Variants in ADPRHL1 observed in about 807,000 individuals in gnomAD.
The protein encoded by ADPRHL1 is inactive ADP-ribosyltransferase ARH2.
In ADPRHL1, 43 loss-of-function variants were observed where a neutral mutation model predicts 44.1. The ratio of observed to expected loss-of-function variants is 0.98; its 90% CI spans 0.76 to 1.26. ADPRHL1 has a LOEUF of 1.26. ADPRHL1 is among the 50% of genes most tolerant of loss of function. The pLI is 0.00. For synonymous variants in ADPRHL1, 878 were observed against 1,017.4 expected, an observed-to-expected ratio of 0.86 and a Z score of 2.61; for missense variants, 2,022 against 2,496.9, an observed-to-expected ratio of 0.81 and a Z score of 4.05.
chr13:113,425,299 T>C, intron 4 of ADPRHL1, 120 bp from the exon 5 acceptor site: 1 of 995,454 alleles, frequency 1.0e-6, no homozygotes, highest in Non-Finnish European at 1.5e-6. Context: ...CAATGCCCCC[T>C]CTACCCAGCT....
rs1290849759 is a variant in ADPRHL1 at position 113,402,714 on chromosome 13, C to T, written c.*664G>A. The T allele has an allele frequency of 6.6e-6, 1 of 152,480 alleles. No individual in the cohort carries two copies. Among genetic ancestry groups the T allele is most frequent in the Non-Finnish European group, 1.5e-5 (1 of 68,228 alleles). 9.4% of individuals were successfully genotyped at this position (152,480 alleles called of 1,614,324 possible). A position where few individuals can be genotyped will look rare whatever the true frequency, so the allele number is the denominator to read the frequency against. Reference sequence around the variant, plus strand: ...AACTTAACGTGGGCATTTCCTGAGGCCTCTTCCTCCGGATGAGCTGGTTTC... The same window carrying T: ...AACTTAACGTGGGCATTTCCTGAGGTCTCTTCCTCCGGATGAGCTGGTTTC... On this transcript the variant is annotated 3_prime_UTR_variant, in exon 8 of 8. Transcript: ENST00000612156.
chr13:113,450,882 C>G (rs887807382), intron 1 of ADPRHL1, among the ~76,000 whole-genome samples: 20 of 152,126 alleles, frequency 1.3e-4, no homozygotes, highest in African/African-American at 4.8e-4. Context: ...GCGGGCGAGC[C>G]TGACTCATGT....
chr13:113,418,568 C>T (rs1409642196), intron 7 of ADPRHL1, among the ~76,000 whole-genome samples: 3 of 152,206 alleles, frequency 2.0e-5, no homozygotes, highest in East Asian at 3.8e-4. Flanking sequence ...GAAGTCTAAA[C>T]ATGTGTGTGT....
rs1297444866 is a variant in ADPRHL1 at position 113,441,410 on chromosome 13, T to C, written c.379+3015A>G. ...TTTGCTGGGGCTTACTATTGCTAAC[T>C]CTTCTGTGATTTCAGCGGTGGCTTT... is the stretch of plus-strand genomic sequence containing the variant. On this transcript the variant is annotated intron_variant, in intron 2 of 7. Transcript: ENST00000612156. The surrounding 1 kb of genome is among the most constrained non-coding windows in gnomAD (Gnocchi z 6.0). 6.6e-6 allele frequency among the ~76,000 whole-genome samples: 1 copy of C among 152,160 alleles called. No individual in the cohort carries two copies. The highest frequency in any genetic ancestry group is 1.5e-5 in the Non-Finnish European group (1 of 68,028).
chr13:113,409,856 T>A lies in ADPRHL1; in HGVS notation c.1062-1636A>T. On this transcript the variant is annotated intron_variant, in intron 7 of 7. Transcript: ENST00000612156. The surrounding 1 kb of genome is among the most constrained non-coding windows in gnomAD (Gnocchi z 4.2). The stretch of plus-strand genomic sequence containing the variant: ...GTGAGCCGAGATCGCACCACTGCAC[T>A]CCAGCCTGAGCGACAGAGCGAGACT... The A allele has an allele frequency of 1.1e-6, 1 of 889,142 alleles. No homozygotes were observed. The highest frequency in any genetic ancestry group is 1.3e-6 in the Non-Finnish European group (1 of 761,632). The allele number at this position is 889,142 out of a possible 1,614,324, so 55.1% of individuals were successfully genotyped here. A position where few individuals can be genotyped will look rare whatever the true frequency, so the allele number is the denominator to read the frequency against.
At chr13:113,410,533 G>A (rs924986737) in intron 7 of ADPRHL1, among the ~76,000 whole-genome samples, 1 of 152,208 alleles carries the variant, frequency 6.6e-6, no homozygotes, top group Non-Finnish European at 1.5e-5. Flanking sequence ...TGCGAGCTGG[G>A]ACGACTGTAA....
intron 1 of ADPRHL1, among the ~76,000 whole-genome samples, chr13:113,445,133 G>A (rs983811760): frequency 6.6e-6 from 1 of 152,242 alleles, no homozygotes; most frequent in African/African-American, 2.4e-5. Context: ...ACAAGGGTGG[G>A]CTCGAGGCCC....
chr13:113,416,410 C>T (rs1334633308), intron 7 of ADPRHL1, among the ~76,000 whole-genome samples: 5 of 151,966 alleles, frequency 3.3e-5, no homozygotes, highest in Non-Finnish European at 7.4e-5. Flanking sequence ...TCTAGTCGGC[C>T]GGCTGTGACT....
intron 2 of ADPRHL1, among the ~76,000 whole-genome samples, chr13:113,435,188 CGAGG>C: frequency 7.6e-5 from 2 of 26,164 alleles, no homozygotes; most frequent in Non-Finnish European, 1.9e-4. Context: ...GACCCAGCAC[CGAGG>C]CGTAGAGTGA....
chr13:113,426,121 C>T (rs1453283223), intron 4 of ADPRHL1, among the ~76,000 whole-genome samples: 1 of 64,922 alleles, frequency 1.5e-5, no homozygotes, highest in Non-Finnish European at 3.6e-5. Context: ...CCCCTGAATG[C>T]TCTAGGGACT....
intron 7 of ADPRHL1, among the ~76,000 whole-genome samples, chr13:113,412,302 C>T (rs1208357018): frequency 6.6e-6 from 1 of 152,146 alleles, no homozygotes; most frequent in Non-Finnish European, 1.5e-5. Context: ...CTCAGCCTCC[C>T]GAGTAGCTGG....
chr13:113,417,684 G>A (rs762416492), intron 7 of ADPRHL1, among the ~76,000 whole-genome samples: 2 of 112,898 alleles, frequency 1.8e-5, no homozygotes, highest in African/African-American at 7.1e-5. Flanking sequence ...TGCTTTTCCC[G>A]CAACAGGCTA....
intron 5 of ADPRHL1, among the ~76,000 whole-genome samples, chr13:113,424,597 G>A (rs1319773144): frequency 6.7e-6 from 1 of 150,286 alleles, no homozygotes; most frequent in Non-Finnish European, 1.5e-5. Flanking sequence ...TGGGATTACA[G>A]GCGTACACCA....
chr13:113,403,650 G>A lies in ADPRHL1; in HGVS notation c.5632C>T (p.Pro1878Ser), dbSNP rs1211576592. 8.1e-7 allele frequency: 1 copy of A among 1,231,774 alleles called. No individual in the cohort carries two copies. The highest frequency in any genetic ancestry group is 1.0e-6 in the Non-Finnish European group (1 of 988,066). 76.3% of individuals were successfully genotyped at this position (1,231,774 alleles called of 1,614,324 possible). A position where few individuals can be genotyped will look rare whatever the true frequency, so the allele number is the denominator to read the frequency against. ...GTTGGGCTCTTTCCCAGCCCCAGGG[G>A]AGAGGTGGCAATGCTCTTGCCCCTG... ...PLRGKSIATSPLGLGKSPTEP... is the reference protein window; with the variant it reads ...PLRGKSIATSSLGLGKSPTEP... Residue 1878 changes from proline to serine, a missense_variant, in exon 8 of 8, where the codon CCC (proline) becomes TCC (serine). By Grantham distance (74) the Pro-to-Ser change is moderately conservative. This residue lies in a region of ADPRHL1 where 205 missense variants were observed against 250.1 expected (regional missense o/e 0.82). Transcript: ENST00000612156.
chr13:113,409,510 C>A lies in ADPRHL1; in HGVS notation c.1062-1290G>T. On this transcript the variant is annotated intron_variant, in intron 7 of 7. Coordinates refer to ENST00000612156, the MANE Select transcript of ADPRHL1 (RefSeq NM_001394807.1). The surrounding 1 kb of genome is among the most constrained non-coding windows in gnomAD (Gnocchi z 4.2). Reference sequence around the variant, plus strand: ...GGGCGGCCGCACAATGGCACGTCCACATTTGTGGGAGAAGAGTCGGTGGCC... The same window carrying A: ...GGGCGGCCGCACAATGGCACGTCCAAATTTGTGGGAGAAGAGTCGGTGGCC... 1 of 985,450 alleles carries A rather than the reference C, an allele frequency of 1.0e-6. No homozygotes were observed. Among genetic ancestry groups the A allele is most frequent in the Non-Finnish European group, 1.2e-6 (1 of 829,936 alleles). 61.0% of individuals were successfully genotyped at this position (985,450 alleles called of 1,614,324 possible). A position where few individuals can be genotyped will look rare whatever the true frequency, so the allele number is the denominator to read the frequency against.
In ADPRHL1 at chr13:113,406,587, G is replaced by A. The variant is rs1359096358; in HGVS notation, c.2695C>T (p.Pro899Ser). The A allele has an allele frequency of 8.1e-7, 1 of 1,231,902 alleles. No homozygotes were observed. Among genetic ancestry groups the A allele is most frequent in the East Asian group, 3.2e-5 (1 of 31,718 alleles). The allele number at this position is 1,231,902 out of a possible 1,614,324, so 76.3% of individuals were successfully genotyped here. A position where few individuals can be genotyped will look rare whatever the true frequency, so the allele number is the denominator to read the frequency against. The stretch of plus-strand genomic sequence containing the variant: ...CCTGAAAGCTTGCTCAGTTCCACTG[G>A]GGCTCGGTGACCCCTTCTGTTCTCA... ...VTENRRGHRA[P>S]VELSKLSGMQ... is the part of the protein sequence containing the mutation. The change falls in exon 8 of 8, where the codon CCA becomes TCA. Residue 899 changes from proline (P) to serine (S), a missense_variant. Physicochemically the swap from Pro to Ser is moderately conservative, Grantham distance 74 (BLOSUM62 -1). Around this residue, in one of 8 missense-constraint regions of ADPRHL1, gnomAD observed 1,221 missense variants for 1,517.8 expected, o/e 0.80. Coordinates refer to ENST00000612156, the MANE Select transcript of ADPRHL1 (RefSeq NM_001394807.1).
At position 113,453,127 on chromosome 13, in the gene ADPRHL1, C is replaced by G. The variant is rs563657455; in HGVS notation, c.214+97G>C. 30 of 1,340,790 alleles carry G rather than the reference C, an allele frequency of 2.2e-5. No individual in the cohort carries two copies. The highest frequency in any genetic ancestry group is 3.1e-5 in the Non-Finnish European group (30 of 954,926). The allele number at this position is 1,340,790 out of a possible 1,614,324, so 83.1% of individuals were successfully genotyped here. A position where few individuals can be genotyped will look rare whatever the true frequency, so the allele number is the denominator to read the frequency against. ...CAGGTAACACCATCCGCTGAAGGAC[C>G]GCACTGCCTTCAAAGCTCTCGGAGG... On this transcript the variant is annotated intron_variant, in intron 1 of 7. Transcript: ENST00000612156. The surrounding 1 kb of genome is among the most constrained non-coding windows in gnomAD (Gnocchi z 5.4).
chr13:113,433,773 C>T lies in ADPRHL1; in HGVS notation c.474G>A (p.Glu158=), dbSNP rs1239612010. 8 of 1,595,772 alleles carry T rather than the reference C, an allele frequency of 5.0e-6. No homozygotes were observed. In the African/African-American group the frequency reaches 8.1e-5, roughly 16 times the overall value. The change falls in exon 3 of 8, where the codon GAG becomes GAA. Residue 158 remains glutamate (E), a synonymous_variant. Transcript: ENST00000612156. ...RLETLIEVSV[E]CGRMTHNHPT... is the part of the protein sequence containing the mutation. ...GATGGTTGTGGGTCATCCGGCCGCA[C>T]TCCACGCTGACCTCGATGAGGGTCT...
In ADPRHL1 at chr13:113,417,443, C is replaced by T. The variant is rs148735101; in HGVS notation, c.1061+5383G>A. On this transcript the variant is annotated intron_variant, in intron 7 of 7. Transcript: ENST00000612156. Reference sequence around the variant, plus strand: ...CCCTGTGGCCATCAGACAGAACGTTCGCGATGTGTGTGGTGCCAGACACAG... The same window carrying T: ...CCCTGTGGCCATCAGACAGAACGTTTGCGATGTGTGTGGTGCCAGACACAG... 6.1e-3 allele frequency among the ~76,000 whole-genome samples: 930 copies of T among 152,370 alleles called. 30 individuals are homozygous for T. Among genetic ancestry groups the T allele is most frequent in the Admixed American group, 0.055 (849 of 15,308 alleles).
Sources: gnomAD v4.1 joint callset for allele counts (sites outside exome capture counted in the v4.1 genomes callset) on GRCh38, gnomAD v4.1.1 for gene constraint, gnomAD v4.1.1 regional missense constraint, Gnocchi (gnomAD v3.1) non-coding constraint, MANE v1.5 for transcripts, NCBI Gene and HGNC (gene_info 2026-07-23, HGNC 2026-07-21) for gene names.